DPP10: variants seen among roughly 807,000 people sequenced by gnomAD.
DPP10 encodes the protein inactive dipeptidyl peptidase 10.
A neutral mutation model predicts 120.9 loss-of-function variants in DPP10; 33 were observed. The ratio of observed to expected loss-of-function variants is 0.27; its 90% CI spans 0.21 to 0.37. DPP10 has a LOEUF of 0.37. Among genes scored for constraint, DPP10 ranks in the 10% least tolerant of loss-of-function variants. The pLI is 1.00. For missense variants in DPP10, 816 were observed against 942.8 expected, an observed-to-expected ratio of 0.87 and a Z score of 1.76; for synonymous variants, 337 against 326.1, an observed-to-expected ratio of 1.03 and a Z score of -0.36.
intron 5 of DPP10, among the ~76,000 whole-genome samples, chr2:115,563,479 G>GAAGA (rs763944888): frequency 8.5e-5 from 13 of 152,160 alleles, no homozygotes; most frequent in Non-Finnish European, 1.8e-4. Context: ...GGCAAATAAA[G>GAAGA]AAGATGTGAT....
At chr2:114,478,882 T>C (rs1172212094) in intron 1 of DPP10, among the ~76,000 whole-genome samples, 1 of 151,976 alleles carries the variant, frequency 6.6e-6, no homozygotes, top group African/African-American at 2.4e-5. Flanking sequence ...ACAGAATCTG[T>C]ATGCTGAAAA....
In DPP10 at chr2:115,347,914, G is replaced by A. The variant is rs568396407; in HGVS notation, c.271+4002G>A. The stretch of plus-strand genomic sequence containing the variant: ...GCATTTGGGTTGGTTCCAAGTCTTT[G>A]CTATTGTGAGTAGTGCTGCAATAAA... On this transcript the variant is annotated intron_variant, in intron 3 of 25. Coordinates refer to ENST00000410059, the MANE Select transcript of DPP10 (RefSeq NM_020868.6). 2.0e-5 allele frequency among the ~76,000 whole-genome samples: 3 copies of A among 152,232 alleles called. No individual in the cohort carries two copies. In the South Asian group the frequency reaches 6.2e-4, roughly 32 times the overall value.
At chr2:115,636,030 G>C (rs1032002817) in intron 5 of DPP10, among the ~76,000 whole-genome samples, 1 of 151,860 alleles carries the variant, frequency 6.6e-6, no homozygotes, top group Non-Finnish European at 1.5e-5. Flanking sequence ...GCTAAGTTTG[G>C]CATTACTGAT....
chr2:114,926,850 A>ATTTT (rs11450459), intron 1 of DPP10, among the ~76,000 whole-genome samples: 9 of 136,562 alleles, frequency 6.6e-5, no homozygotes, highest in Non-Finnish European at 9.3e-5. Context: ...GGAAGATACA[A>ATTTT]TTTTTTTTTT....
intron 1 of DPP10, among the ~76,000 whole-genome samples, chr2:115,165,835 C>T (rs543285005): frequency 3.9e-5 from 6 of 152,198 alleles, no homozygotes; most frequent in Non-Finnish European, 7.4e-5. Context: ...AAAAACAAAA[C>T]CATCCCACTT....
At chr2:114,941,906 A>AT (rs1558903119) in intron 1 of DPP10, among the ~76,000 whole-genome samples, 1 of 152,128 alleles carries the variant, frequency 6.6e-6, no homozygotes, top group African/African-American at 2.4e-5. Flanking sequence ...TGGGAAAAAC[A>AT]TGAAATCAAT....
chr2:115,632,525 A>C (rs533164231), intron 5 of DPP10, among the ~76,000 whole-genome samples: 95 of 152,288 alleles, frequency 6.2e-4, no homozygotes, highest in African/African-American at 2.1e-3. Flanking sequence ...AGCTCTTACA[A>C]GGCAGGCATG....
rs368265489 is a variant in DPP10, at chr2:114,942,628, T to C, written c.61-366611T>C. On this transcript the variant is annotated intron_variant, in intron 1 of 25. Transcript: ENST00000410059. ...AGCTACTCTAAGATCTGTTCCTATA[T>C]GCATTATTATCTGCAAACATTCCTA... Among the ~76,000 whole-genome samples the C allele has an allele frequency of 7.9e-5, 12 of 151,842 alleles. No individual in the cohort carries two copies. The East Asian group carries it at 2.0e-3, about 25-fold the overall frequency.
At chr2:114,836,275 G>A (rs1687727700) in intron 1 of DPP10, among the ~76,000 whole-genome samples, 2 of 152,084 alleles carry the variant, frequency 1.3e-5, no homozygotes, top group African/African-American at 4.8e-5. Flanking sequence ...GGGAAATTCA[G>A]CCAGATATCG....
At position 115,662,593 on chromosome 2, in the gene DPP10, C is replaced by T. The variant is rs150884767; in HGVS notation, c.442-27094C>T. 2.8e-3 allele frequency among the ~76,000 whole-genome samples: 433 copies of T among 152,174 alleles called. 3 individuals are homozygous for T. Among genetic ancestry groups the T allele is most frequent in the African/African-American group, 1.0e-2 (414 of 41,534 alleles). On this transcript the variant is annotated intron_variant, in intron 5 of 25. Coordinates refer to ENST00000410059, the MANE Select transcript of DPP10 (RefSeq NM_020868.6). Reference sequence around the variant, plus strand: ...AATCAAAACCACACTGAAATATCACCTCATACCTGTTAGCTTGGTCATTAT... The same window carrying T: ...AATCAAAACCACACTGAAATATCACTTCATACCTGTTAGCTTGGTCATTAT...
intron 1 of DPP10, among the ~76,000 whole-genome samples, chr2:114,895,397 T>G (rs1692882948): frequency 6.6e-6 from 1 of 152,180 alleles, no homozygotes; most frequent in Non-Finnish European, 1.5e-5. Flanking sequence ...AGCCTTATAT[T>G]GCAACTAGGT....
At chr2:114,745,884 C>T (rs543031400) in intron 1 of DPP10, among the ~76,000 whole-genome samples, 117 of 152,322 alleles carry the variant, frequency 7.7e-4, no homozygotes, top group Non-Finnish European at 1.3e-3. Context: ...ACTGTCCTTT[C>T]TCATCTCATG....
intron 4 of DPP10, among the ~76,000 whole-genome samples, chr2:115,499,906 G>C (rs2076597295): frequency 6.6e-6 from 1 of 151,724 alleles, no homozygotes; most frequent in Non-Finnish European, 1.5e-5. Flanking sequence ...CAAATACCAA[G>C]GTTAAAAACA....
chr2:115,061,183 C>T (rs980664785), intron 1 of DPP10, among the ~76,000 whole-genome samples: 2 of 152,172 alleles, frequency 1.3e-5, no homozygotes. Context: ...GGAAAATAAT[C>T]AAAGAGCAAA....
At position 115,338,591 on chromosome 2, in the gene DPP10, G is replaced by C. The variant is rs556674734; in HGVS notation, c.176-5226G>C. 2.6e-5 allele frequency among the ~76,000 whole-genome samples: 4 copies of C among 152,182 alleles called. No individual in the cohort carries two copies. In the South Asian group the frequency reaches 8.3e-4, roughly 32 times the overall value. ...TCCTCCTGCCTCAGCCTCCCAAGCA[G>C]CTGGGATTATAGACATGAGCCACCT... is the stretch of plus-strand genomic sequence containing the variant. On this transcript the variant is annotated intron_variant, in intron 2 of 25. Coordinates refer to ENST00000410059, the MANE Select transcript of DPP10 (RefSeq NM_020868.6).
intron 1 of DPP10, among the ~76,000 whole-genome samples, chr2:114,827,358 TATGTAGGAGAAAGAC>T (rs578175490): frequency 8.4e-4 from 128 of 152,290 alleles, no homozygotes; most frequent in Middle Eastern, 6.8e-3. Context: ...ATTGAAGCTC[TATGTAGGAGAAAGAC>T]AACTGTAGAT....
intron 5 of DPP10, among the ~76,000 whole-genome samples, chr2:115,673,145 C>T (rs961200084): frequency 1.2e-4 from 19 of 152,108 alleles, no homozygotes; most frequent in Non-Finnish European, 1.3e-4. Flanking sequence ...AAAATTTTTT[C>T]CTCTACTCTC....
intron 16 of DPP10, 50 bp downstream of exon 16, chr2:115,781,045 G>T (rs768382534): frequency 7.0e-7 from 1 of 1,436,186 alleles, no homozygotes; most frequent in Non-Finnish European, 9.4e-7. Context: ...CATTGTATTT[G>T]GTCAATATCT....
intron 1 of DPP10, among the ~76,000 whole-genome samples, chr2:114,753,345 G>A (rs1449863412): frequency 6.6e-6 from 1 of 152,188 alleles, no homozygotes; most frequent in Admixed American, 6.5e-5. Context: ...ACTAAATTGA[G>A]TTCAAATTCT....
Sources: gnomAD v4.1 joint callset for allele counts (sites outside exome capture counted in the v4.1 genomes callset) on GRCh38, gnomAD v4.1.1 for gene constraint, MANE v1.5 for transcripts, NCBI Gene and HGNC (gene_info 2026-07-23, HGNC 2026-07-21) for gene names.